ATP13A1: variants seen among roughly 807,000 people sequenced by gnomAD.
The protein encoded by ATP13A1 is ATPase 13A1.
ATP13A1 carries 55 observed loss-of-function variants against 134.8 expected under a neutral mutation model. That is an observed-to-expected ratio of 0.41 (90% CI 0.33 to 0.51). The LOEUF (loss-of-function observed/expected upper bound fraction) is 0.51, where lower values mean the gene tolerates loss of function less well. Among genes scored for constraint, ATP13A1 ranks in the 20% least tolerant of loss-of-function variants. The pLI is 0.29. For synonymous variants in ATP13A1, 775 were observed against 725.1 expected, an observed-to-expected ratio of 1.07 and a Z score of -1.10; for missense variants, 1,389 against 1,652.8, an observed-to-expected ratio of 0.84 and a Z score of 2.77.
Position 19,656,154 on chromosome 19 carries a change from C to G in ATP13A1, c.1113G>C (p.Arg371=), listed in dbSNP as rs1407184136. The G allele has an allele frequency of 4.3e-6, 7 of 1,613,278 alleles. No individual in the cohort carries two copies. In the South Asian group the frequency reaches 7.7e-5, roughly 18 times the overall value. ...KEPIEDLSPD[R]VLDLQADSRL... is the part of the protein sequence containing the mutation. ...GGGAATCAGCCTGGAGGTCCAGCAC[C>G]CGGTCTGGGCTGAGGTCTTCGATGG... is the stretch of plus-strand genomic sequence containing the variant. The change falls in exon 8 of 26, where the codon CGG becomes CGC. Residue 371 remains arginine, a synonymous_variant. Transcript: ENST00000357324. The surrounding 1 kb of genome is among the most constrained non-coding windows in gnomAD (Gnocchi z 4.6).
chr19:19,657,063 C>G lies in ATP13A1; in HGVS notation c.837G>C (p.Ser279=). ...TGTTCCGCATCTGCTGCTGCACCAGCGAGGCCTCGAACGCCACCAGCATGG... is the reference window on the plus strand; with the variant it reads ...TGTTCCGCATCTGCTGCTGCACCAGGGAGGCCTCGAACGCCACCAGCATGG... ...TLSMLVAFEA[S]LVQQQMRNMS... Residue 279 remains serine, a synonymous_variant, in exon 5 of 26, where the codon TCG becomes TCC. Transcript: ENST00000357324. 6.4e-7 allele frequency: 1 copy of G among 1,554,088 alleles called. No homozygotes were observed. Among genetic ancestry groups the G allele is most frequent in the Non-Finnish European group, 8.7e-7 (1 of 1,149,722 alleles).
chr19:19,650,823 A>G (rs987544130), intron 17 of ATP13A1: 1 of 152,348 alleles, frequency 6.6e-6, no homozygotes, highest in Admixed American at 6.5e-5. Flanking sequence ...GGTTCTTCTT[A>G]GGGCCCTGTC....
chr19:19,659,531 C>G lies in ATP13A1; in HGVS notation c.677+70G>C, dbSNP rs2145018643. 4 of 1,325,974 alleles carry G rather than the reference C, an allele frequency of 3.0e-6. No individual in the cohort carries two copies. In the Middle Eastern group the frequency reaches 6.1e-4, roughly 202 times the overall value. 82.1% of individuals were successfully genotyped at this position (1,325,974 alleles called of 1,614,324 possible). A position where few individuals can be genotyped will look rare whatever the true frequency, so the allele number is the denominator to read the frequency against. On this transcript the variant is annotated intron_variant, in intron 3 of 25. Coordinates refer to ENST00000357324, the MANE Select transcript of ATP13A1 (RefSeq NM_020410.3). ...AGGGCAGATGCCTCTGTCCCGCTTC[C>G]TAGGCACCCTGAATCAGGAGGGGAG...
At chr19:19,649,494 C>T (rs2062010097) in intron 19 of ATP13A1, 73 bp downstream of exon 19, 5 of 1,492,890 alleles carry the variant, frequency 3.3e-6, no homozygotes, top group African/African-American at 1.4e-5. Flanking sequence ...AGGGCCAGGT[C>T]TGTCTTTCTA....
intron 3 of ATP13A1, among the ~76,000 whole-genome samples, chr19:19,658,796 G>A (rs748649996): frequency 2.0e-5 from 3 of 152,184 alleles, no homozygotes; most frequent in East Asian, 3.8e-4. Flanking sequence ...GCGTAGACTC[G>A]AAACAGTGAG....
Position 19,659,601 on chromosome 19 carries a change from T to C in ATP13A1, c.677A>G (p.Lys226Arg), listed in dbSNP as rs2062081596. Residue 226 changes from lysine to arginine, a missense_variant and splice_region_variant, in exon 3 of 26, where the codon AAG (lysine) becomes AGG (arginine). Coordinates refer to ENST00000357324, the MANE Select transcript of ATP13A1 (RefSeq NM_020410.3). Reference protein sequence around the residue: ...RAAEKKFGSNKAEMVVPDFSE... With the variant: ...RAAEKKFGSNRAEMVVPDFSE... ...TGCTACAGGCAAATCAAGGACTCAC[T>C]TGTTGCTCCCAAATTTCTTCTCAGC... is the stretch of plus-strand genomic sequence containing the variant. The C allele has an allele frequency of 4.3e-6, 7 of 1,609,392 alleles. No individual in the cohort carries two copies. The highest frequency in any genetic ancestry group is 1.7e-5 in the Admixed American group (1 of 59,874).
Position 19,655,077 on chromosome 19 carries a change from C to A in ATP13A1, c.1655+42G>T, listed in dbSNP as rs771553707. On this transcript the variant is annotated intron_variant, in intron 12 of 25. Transcript: ENST00000357324. This position sits in a 1 kb window ranked among gnomAD's most constrained non-coding sequence, Gnocchi z 5.7. ...CACCTGTCTCTCGACTTCCCAGAAA[C>A]CCCATCTGGGTGACCTTTGCTGCAG... is the stretch of plus-strand genomic sequence containing the variant. 6.2e-7 allele frequency: 1 copy of A among 1,610,344 alleles called. No individual in the cohort carries two copies. The highest frequency in any genetic ancestry group is 2.2e-5 in the East Asian group (1 of 44,798).
intron 17 of ATP13A1, 190 bp from the exon 18 acceptor site, chr19:19,650,130 A>G: frequency 1.6e-6 from 1 of 610,408 alleles, no homozygotes; most frequent in Non-Finnish European, 2.9e-6. Context: ...ACAGGGTGGA[A>G]CCAAGAGCCT....
rs1599431748 is a variant in ATP13A1 at position 19,653,094 on chromosome 19, C to T, written c.2101-374G>A. ...GCTCCACCACATACCACAGACTGGGCACAGACCCCTGGCCTTAGGGAGCTC... is the reference window on the plus strand; with the variant it reads ...GCTCCACCACATACCACAGACTGGGTACAGACCCCTGGCCTTAGGGAGCTC... On this transcript the variant is annotated intron_variant, in intron 15 of 25. Transcript: ENST00000357324. This position sits in a 1 kb window ranked among gnomAD's most constrained non-coding sequence, Gnocchi z 4.2. The T allele has an allele frequency of 4.2e-6, 1 of 237,596 alleles. No individual in the cohort carries two copies. The highest frequency in any genetic ancestry group is 1.1e-4 in the East Asian group (1 of 9,014). The allele number at this position is 237,596 out of a possible 1,614,324, so 14.7% of individuals were successfully genotyped here. A position where few individuals can be genotyped will look rare whatever the true frequency, so the allele number is the denominator to read the frequency against.
chr19:19,650,206 C>T (rs970515745), intron 17 of ATP13A1: 30 of 563,690 alleles, frequency 5.3e-5, no homozygotes, highest in Non-Finnish European at 8.5e-5. Context: ...AGTCTGACCC[C>T]AGCTAAGCCA....
intron 19 of ATP13A1, among the ~76,000 whole-genome samples, chr19:19,649,121 A>G (rs1475647421): frequency 6.8e-6 from 1 of 147,930 alleles, no homozygotes; most frequent in African/African-American, 2.5e-5. Context: ...GGCTCCGTCA[A>G]AAAAAAAAAA....
At chr19:19,658,371 C>T (rs1005987733) in intron 3 of ATP13A1, among the ~76,000 whole-genome samples, 2 of 152,112 alleles carry the variant, frequency 1.3e-5, no homozygotes, top group African/African-American at 4.8e-5. Context: ...ATAAGCCCTT[C>T]CCTTGTATCT....
At chr19:19,660,048 C>G in intron 1 of ATP13A1, 61 bp from the exon 2 acceptor site, 1 of 1,480,374 alleles carries the variant, frequency 6.8e-7, no homozygotes, top group South Asian at 1.3e-5. Flanking sequence ...TCCAAGACCC[C>G]CCCGGGAGGT....
rs2062040014 is a variant in ATP13A1, at chr19:19,653,862, G to A, written c.2022C>T (p.Ile674=). The A allele has an allele frequency of 3.8e-6, 6 of 1,567,300 alleles. No individual in the cohort carries two copies. Among genetic ancestry groups the A allele is most frequent in the South Asian group, 1.2e-5 (1 of 85,104 alleles). The part of the protein sequence containing the change: ...FSQCPPDYHH[I]HTEISREGAR... Reference sequence around the variant, plus strand: ...CTCCTTCCCGGGAGATCTCGGTGTGGATGTGGTGGTAGTCGGGCGGGCACT... The same window carrying A: ...CTCCTTCCCGGGAGATCTCGGTGTGAATGTGGTGGTAGTCGGGCGGGCACT... The change falls in exon 15 of 26, where the codon ATC becomes ATT. Residue 674 remains isoleucine (I), a synonymous_variant. Coordinates refer to ENST00000357324, the MANE Select transcript of ATP13A1 (RefSeq NM_020410.3). The surrounding 1 kb of genome is among the most constrained non-coding windows in gnomAD (Gnocchi z 4.2).
In ATP13A1 at chr19:19,653,767, G is replaced by A. The variant is rs376157836; in HGVS notation, c.2100+17C>T. On this transcript the variant is annotated intron_variant, in intron 15 of 25. Transcript: ENST00000357324. The surrounding 1 kb of genome is among the most constrained non-coding windows in gnomAD (Gnocchi z 4.2). ...GGCCAGGCACATGGTGAAGGCAGGG[G>A]GAGCCTGGGCCCGTACCTGCTGGTG... 1 of 1,538,386 alleles carries A rather than the reference G, an allele frequency of 6.5e-7. No individual in the cohort carries two copies. Among genetic ancestry groups the A allele is most frequent in the Non-Finnish European group, 8.8e-7 (1 of 1,136,248 alleles).
intron 3 of ATP13A1, 87 bp downstream of exon 3, chr19:19,659,514 T>C (rs1195997352): frequency 1.2e-6 from 1 of 834,138 alleles, no homozygotes; most frequent in Non-Finnish European, 1.7e-6. Context: ...AAAGGGCAGA[T>C]GCCTCTGTCC....
intron 4 of ATP13A1, 52 bp from the exon 5 acceptor site, chr19:19,657,201 GCCC>G: frequency 6.7e-7 from 1 of 1,487,642 alleles, no homozygotes; most frequent in Non-Finnish European, 8.9e-7. Context: ...GTTCCCATGA[GCCC>G]CTTCCACCCA....
chr19:19,655,101 AG>A lies in ATP13A1; in HGVS notation c.1655+17del. The A allele has an allele frequency of 4.3e-6, 7 of 1,613,182 alleles. No individual in the cohort carries two copies. Among genetic ancestry groups the A allele is most frequent in the Non-Finnish European group, 5.9e-6 (7 of 1,179,714 alleles). ...ACCCCATCTGGGTGACCTTTGCTGC[AG>A]GGCCCCTGATGCTTACCTCAGCCCG... On this transcript the variant is annotated intron_variant, in intron 12 of 25. Transcript: ENST00000357324. The surrounding 1 kb of genome is among the most constrained non-coding windows in gnomAD (Gnocchi z 5.7).
intron 19 of ATP13A1, among the ~76,000 whole-genome samples, chr19:19,649,298 A>G (rs893111742): frequency 6.6e-6 from 1 of 152,084 alleles, no homozygotes; most frequent in African/African-American, 2.4e-5. Context: ...GGGGCTATGA[A>G]CCATCTTCAT....
Sources: gnomAD v4.1 joint callset for allele counts (sites outside exome capture counted in the v4.1 genomes callset) on GRCh38, gnomAD v4.1.1 for gene constraint, Gnocchi (gnomAD v3.1) non-coding constraint, MANE v1.5 for transcripts, NCBI Gene and HGNC (gene_info 2026-07-23, HGNC 2026-07-21) for gene names.